The following ENTREP2 variants were observed in gnomAD, a reference collection of about 807,000 sequenced individuals.
The protein encoded by ENTREP2 is protein ENTREP2.
At chr15:29,376,267 G>A in the ENTREP2 span, 1 of 152,114 alleles carries the variant, frequency 6.6e-6, no homozygotes. Context: ...GCCTGTGATT[G>A]TGGGAGACTG....
chr15:29,464,649 G>T, the ENTREP2 span, among the ~76,000 whole-genome samples: 1 of 152,174 alleles, frequency 6.6e-6, no homozygotes, highest in Non-Finnish European at 1.5e-5. Context: ...CTGAGCAGAT[G>T]AGGGCCTTTA....
the ENTREP2 span, among the ~76,000 whole-genome samples, chr15:29,544,949 C>T: frequency 6.6e-6 from 1 of 152,126 alleles, no homozygotes; most frequent in Non-Finnish European, 1.5e-5. Context: ...AGAGTACTGC[C>T]ATGTAGTTGA....
chr15:29,280,744 T>C, the ENTREP2 span, among the ~76,000 whole-genome samples: 1 of 152,204 alleles, frequency 6.6e-6, no homozygotes, highest in Non-Finnish European at 1.5e-5. Flanking sequence ...GGAACCGCCA[T>C]GGGAAGGCGT....
chr15:29,252,877 T>A, the ENTREP2 span, among the ~76,000 whole-genome samples: 1 of 152,174 alleles, frequency 6.6e-6, no homozygotes, highest in African/African-American at 2.4e-5. Flanking sequence ...GAAAATTTCA[T>A]ACACATGCAA....
At chr15:29,128,163 G>A in the ENTREP2 span, among the ~76,000 whole-genome samples, 3 of 152,154 alleles carry the variant, frequency 2.0e-5, no homozygotes, top group East Asian at 1.9e-4. Context: ...GTGACCCCTC[G>A]CAGGGGCCTC....
chr15:29,569,268 A>G, the ENTREP2 span, among the ~76,000 whole-genome samples: 2 of 152,182 alleles, frequency 1.3e-5, no homozygotes, highest in African/African-American at 4.8e-5. Flanking sequence ...TTCGAAAATT[A>G]ATACTCCCAT....
At chr15:29,608,551 T>TA in the ENTREP2 span, among the ~76,000 whole-genome samples, 108 of 79,606 alleles carry the variant, frequency 1.4e-3, no homozygotes, top group African/African-American at 4.0e-3. Context: ...TTATTATTAT[T>TA]TATTTATTAT....
the ENTREP2 span, among the ~76,000 whole-genome samples, chr15:29,440,300 T>C: frequency 6.6e-6 from 1 of 152,208 alleles, no homozygotes; most frequent in Non-Finnish European, 1.5e-5. Context: ...AAATGATTAA[T>C]ACAGGAGTCC....
the ENTREP2 span, among the ~76,000 whole-genome samples, chr15:29,343,340 C>T: frequency 6.6e-6 from 1 of 152,210 alleles, no homozygotes; most frequent in East Asian, 1.9e-4. Context: ...CGGGGGGCCT[C>T]ATCCAATCAG....
chr15:29,366,988 C>T, the ENTREP2 span, among the ~76,000 whole-genome samples: 5 of 152,032 alleles, frequency 3.3e-5, no homozygotes, highest in South Asian at 8.3e-4. Context: ...AGAGAGATGA[C>T]ATCAGAAAAA....
chr15:29,398,957 T>C, the ENTREP2 span, among the ~76,000 whole-genome samples: 1 of 152,208 alleles, frequency 6.6e-6, no homozygotes, highest in African/African-American at 2.4e-5. Context: ...GAAGTTCTCT[T>C]GGGTGTGCCT....
the ENTREP2 span, among the ~76,000 whole-genome samples, chr15:29,518,199 TCAAAACAAAA>T: frequency 2.9e-3 from 444 of 151,988 alleles, 2 homozygotes; most frequent in African/African-American, 9.8e-3. Flanking sequence ...AGACCTAGTC[TCAAAACAAAA>T]CAAAACAAAA....
the ENTREP2 span, among the ~76,000 whole-genome samples, chr15:29,624,374 G>A: frequency 1.3e-5 from 2 of 152,218 alleles, no homozygotes; most frequent in South Asian, 4.1e-4. Flanking sequence ...TCTAGAAAAT[G>A]TTCATCTAGC....
At chr15:29,604,254 A>C in the ENTREP2 span, among the ~76,000 whole-genome samples, 2 of 152,256 alleles carry the variant, frequency 1.3e-5, no homozygotes, top group African/African-American at 4.8e-5. Context: ...TCTGCCTATC[A>C]GATGGCCACA....
the ENTREP2 span, among the ~76,000 whole-genome samples, chr15:29,427,868 A>T: frequency 6.6e-6 from 1 of 152,212 alleles, no homozygotes; most frequent in Non-Finnish European, 1.5e-5. Context: ...AAGAACCAGC[A>T]GACTGCCTGG....
chr15:29,528,146 C>G, the ENTREP2 span, among the ~76,000 whole-genome samples: 1 of 152,076 alleles, frequency 6.6e-6, no homozygotes, highest in Non-Finnish European at 1.5e-5. Flanking sequence ...ATAAGCACAA[C>G]AAATGACAGG....
chr15:29,351,899 A>C, the ENTREP2 span, among the ~76,000 whole-genome samples: 1 of 152,050 alleles, frequency 6.6e-6, no homozygotes, highest in African/African-American at 2.4e-5. Context: ...TCCACCTCCC[A>C]AAGCACTGGG....
the ENTREP2 span, among the ~76,000 whole-genome samples, chr15:29,479,633 C>T: frequency 1.7e-5 from 2 of 117,456 alleles, no homozygotes; most frequent in Non-Finnish European, 3.5e-5. Flanking sequence ...TTTCTCTCTC[C>T]CTCCCTCTCT....
At chr15:29,348,427 C>T in the ENTREP2 span, among the ~76,000 whole-genome samples, 1 of 152,120 alleles carries the variant, frequency 6.6e-6, no homozygotes, top group Non-Finnish European at 1.5e-5. Flanking sequence ...ACGTGAGGAA[C>T]AATGTTCCCG....
Sources: allele counts gnomAD v4.1 joint callset (sites outside exome capture counted in the v4.1 genomes callset), GRCh38; gene constraint gnomAD v4.1.1; transcripts MANE v1.5; gene names NCBI Gene and HGNC (gene_info 2026-07-23, HGNC 2026-07-21).